Variants in PCDH15 observed in about 807,000 individuals in gnomAD.
The protein encoded by PCDH15 is protocadherin-15.
PCDH15 carries 129 observed loss-of-function variants against 178.5 expected under a neutral mutation model. The observed-to-expected ratio is 0.72, with a 90% CI of 0.63 to 0.84. PCDH15 has a LOEUF of 0.84. Ranked by LOEUF, PCDH15 falls within the 40% of genes least tolerant of loss-of-function variation. PCDH15 has a pLI of 0.00. For synonymous variants in PCDH15, 800 were observed against 732.0 expected (o/e 1.09, Z -1.50); for missense variants, 2,230 against 2,099.9 (o/e 1.06, Z -1.21).
intron 3 of PCDH15, among the ~76,000 whole-genome samples, chr10:54,518,698 C>G (rs1454191944): frequency 1.3e-5 from 2 of 152,168 alleles, no homozygotes; most frequent in Non-Finnish European, 1.5e-5. Flanking sequence ...GGAATCCTCC[C>G]TAACTCATTT....
intron 15 of PCDH15, among the ~76,000 whole-genome samples, chr10:54,105,002 GT>G (rs2094885342): frequency 6.6e-6 from 1 of 151,908 alleles, no homozygotes; most frequent in Non-Finnish European, 1.5e-5. Context: ...TGAATCAGGA[GT>G]GTCAAATGCA....
At chr10:54,873,020 A>C (rs988735812) in intron 3 of PCDH15, among the ~76,000 whole-genome samples, 1 of 141,898 alleles carries the variant, frequency 7.0e-6, no homozygotes, top group Non-Finnish European at 1.6e-5. Flanking sequence ...ATCCAGGAAA[A>C]AAAACGAAAC....
chr10:55,414,363 T>A (rs1838422414), intron 2 of PCDH15, among the ~76,000 whole-genome samples: 1 of 151,546 alleles, frequency 6.6e-6, no homozygotes, highest in South Asian at 2.1e-4. Flanking sequence ...ATGTTCAAAA[T>A]AAAAAATCCA....
At chr10:55,583,236 CAT>C (rs1361302459) in intron 2 of PCDH15, among the ~76,000 whole-genome samples, 3 of 152,056 alleles carry the variant, frequency 2.0e-5, no homozygotes, top group African/African-American at 7.2e-5. Context: ...AAACTAATCA[CAT>C]GATTATAGTA....
chr10:54,869,847 T>C (rs899947913), intron 3 of PCDH15, among the ~76,000 whole-genome samples: 3 of 152,168 alleles, frequency 2.0e-5, no homozygotes, highest in Non-Finnish European at 2.9e-5. Flanking sequence ...ATAAGCACAC[T>C]GCTTTAAATA....
At chr10:55,500,575 CA>C (rs751393228) in intron 2 of PCDH15, among the ~76,000 whole-genome samples, 2 of 151,692 alleles carry the variant, frequency 1.3e-5, no homozygotes, top group African/African-American at 2.4e-5. Flanking sequence ...AACAGAGACC[CA>C]AATTCTTCAG....
intron 1 of PCDH15, among the ~76,000 whole-genome samples, chr10:55,207,762 G>A (rs1173306955): frequency 6.6e-6 from 1 of 152,096 alleles, no homozygotes; most frequent in Non-Finnish European, 1.5e-5. Flanking sequence ...GAGGTCAGGA[G>A]TTCAAGACCA....
In PCDH15 at chr10:53,806,404, A is replaced by AATTG. The variant is rs1192377711; in HGVS notation, c.*171_*174dup. ...AAAGGATTTTCTGGGAAAAACGATTAATTGATAACAATGTGAGTGCAAATC... is the reference window on the plus strand; with the variant it reads ...AAAGGATTTTCTGGGAAAAACGATTAATTGATTGATAACAATGTGAGTGCAAATC... On this transcript the variant is annotated 3_prime_UTR_variant, in exon 38 of 38. Transcript: ENST00000644397. 4 of 564,416 alleles carry AATTG rather than the reference A, an allele frequency of 7.1e-6. No homozygotes were observed. The highest frequency in any genetic ancestry group is 1.2e-5 in the Non-Finnish European group (4 of 331,610). 35.0% of individuals were successfully genotyped at this position (564,416 alleles called of 1,614,324 possible). A position where few individuals can be genotyped will look rare whatever the true frequency, so the allele number is the denominator to read the frequency against.
At chr10:54,882,348 AT>A in intron 3 of PCDH15, among the ~76,000 whole-genome samples, 1 of 152,036 alleles carries the variant, frequency 6.6e-6, no homozygotes, top group Non-Finnish European at 1.5e-5. Context: ...TTTTTAAAGG[AT>A]TTTCCCCCAT....
At chr10:54,041,764 T>C (rs1342067523) in intron 18 of PCDH15, among the ~76,000 whole-genome samples, 1 of 152,074 alleles carries the variant, frequency 6.6e-6, no homozygotes, top group African/African-American at 2.4e-5. Context: ...GAAATGACAT[T>C]CAACAGCATC....
intron 2 of PCDH15, among the ~76,000 whole-genome samples, chr10:55,421,892 T>C (rs1014989416): frequency 1.3e-5 from 2 of 151,722 alleles, no homozygotes; most frequent in African/African-American, 4.8e-5. Context: ...TATGCACAGT[T>C]GACAACAAGA....
At chr10:55,282,702 AAATT>A (rs34913468) in intron 1 of PCDH15, among the ~76,000 whole-genome samples, 31,213 of 151,990 alleles carry the variant, frequency 0.21, 3,285 homozygotes, top group Admixed American at 0.27. Context: ...TTATAAGAAT[AAATT>A]AATTAACTAA....
At chr10:54,608,147 G>C (rs561054339) in intron 2 of PCDH15, among the ~76,000 whole-genome samples, 3 of 151,926 alleles carry the variant, frequency 2.0e-5, no homozygotes, top group Non-Finnish European at 4.4e-5. Flanking sequence ...AAAAATCCCA[G>C]GGGATTTGTA....
chr10:54,440,304 G>A (rs963345030), intron 3 of PCDH15, among the ~76,000 whole-genome samples: 1 of 151,898 alleles, frequency 6.6e-6, no homozygotes, highest in Non-Finnish European at 1.5e-5. Flanking sequence ...TGGGCAGAAG[G>A]TAAAATAGTT....
intron 2 of PCDH15, among the ~76,000 whole-genome samples, chr10:54,967,620 G>C (rs1838825607): frequency 6.6e-6 from 1 of 152,110 alleles, no homozygotes; most frequent in Non-Finnish European, 1.5e-5. Flanking sequence ...CCTGATGATA[G>C]ATATTTGGGT....
intron 34 of PCDH15, among the ~76,000 whole-genome samples, chr10:53,817,038 T>C (rs969532676): frequency 3.3e-5 from 5 of 152,210 alleles, no homozygotes; most frequent in African/African-American, 1.2e-4. Context: ...CATATTAAAC[T>C]AAGTATTGGA....
chr10:54,994,740 T>G (rs1233452054), intron 2 of PCDH15, among the ~76,000 whole-genome samples: 2 of 152,148 alleles, frequency 1.3e-5, no homozygotes, highest in Non-Finnish European at 2.9e-5. Flanking sequence ...ACAATAGCCA[T>G]TTACTTGGGA....
At chr10:55,399,332 C>A (rs1225341699) in intron 2 of PCDH15, among the ~76,000 whole-genome samples, 1 of 152,058 alleles carries the variant, frequency 6.6e-6, no homozygotes, top group South Asian at 2.1e-4. Flanking sequence ...GGAAAATATT[C>A]TGCCACTGGA....
chr10:54,769,781 C>T (rs1948889129), intron 1 of PCDH15, among the ~76,000 whole-genome samples: 2 of 152,038 alleles, frequency 1.3e-5, no homozygotes, highest in Non-Finnish European at 2.9e-5. Flanking sequence ...CTGCATAAGC[C>T]AGTTAGGGTG....
Sources: gnomAD v4.1 joint callset for allele counts (sites outside exome capture counted in the v4.1 genomes callset) on GRCh38, gnomAD v4.1.1 for gene constraint, MANE v1.5 for transcripts, NCBI Gene and HGNC (gene_info 2026-07-23, HGNC 2026-07-21) for gene names.